The following SLMAP variants were observed in gnomAD, a reference collection of about 807,000 sequenced individuals.
SLMAP encodes the protein sarcolemmal membrane-associated protein.
SLMAP carries 44 observed loss-of-function variants against 128.8 expected under a neutral mutation model. The observed-to-expected ratio is 0.34, with a 90% CI of 0.27 to 0.44. SLMAP has a LOEUF of 0.44. Among genes scored for constraint, SLMAP ranks in the 20% least tolerant of loss-of-function variants. SLMAP has a pLI of 1.00. For synonymous variants in SLMAP, 327 were observed against 348.8 expected (o/e 0.94, Z 0.70); for missense variants, 787 against 985.3 (o/e 0.80, Z 2.69).
At chr3:57,816,994 A>G (rs1241251329) in intron 2 of SLMAP, among the ~76,000 whole-genome samples, 3 of 152,214 alleles carry the variant, frequency 2.0e-5, no homozygotes, top group Non-Finnish European at 4.4e-5. Flanking sequence ...GAGGAAGATT[A>G]GGTTAGATAG....
At chr3:57,864,981 T>G (rs1315720951) in intron 12 of SLMAP, 124 bp downstream of exon 12, 1 of 785,546 alleles carries the variant, frequency 1.3e-6, no homozygotes, top group Non-Finnish European at 1.9e-6. Context: ...GTATCTATAT[T>G]CTTTTAGAAA....
chr3:57,769,012 C>T (rs988715815), intron 2 of SLMAP, among the ~76,000 whole-genome samples: 1 of 152,018 alleles, frequency 6.6e-6, no homozygotes, highest in South Asian at 2.1e-4. Context: ...TACATGCAAT[C>T]GGTTCTGTTT....
intron 21 of SLMAP, among the ~76,000 whole-genome samples, chr3:57,914,984 C>G (rs1195389544): frequency 1.3e-5 from 2 of 151,440 alleles, no homozygotes; most frequent in African/African-American, 4.9e-5. Flanking sequence ...CTCCCAGGTT[C>G]AAGCGATTCT....
At chr3:57,906,270 G>A (rs960278163) in intron 17 of SLMAP, among the ~76,000 whole-genome samples, 1 of 119,964 alleles carries the variant, frequency 8.3e-6, no homozygotes, top group Non-Finnish European at 1.8e-5. Context: ...AAGTTGACTA[G>A]AGTAGCTGAA....
Position 57,856,277 on chromosome 3 carries a change from C to A in SLMAP, c.520-1456C>A, listed in dbSNP as rs868586652. 2.6e-5 allele frequency among the ~76,000 whole-genome samples: 4 copies of A among 152,114 alleles called. No individual in the cohort carries two copies. In the South Asian group the frequency reaches 8.3e-4, roughly 31 times the overall value. On this transcript the variant is annotated intron_variant, in intron 6 of 24. Transcript: ENST00000671191. ...TCAATAATAAGCTAACCTTAGCTTG[C>A]TGTAACTTTTTTACTTTATAAACTT...
In SLMAP at chr3:57,928,027, T is replaced by G. The variant is rs2153714127; in HGVS notation, c.*738T>G. ...GGAATATGTGCACGCTTGTTCAGCC[T>G]TAATGTGACTTGAAGATGTGGAGGA... On this transcript the variant is annotated 3_prime_UTR_variant, in exon 25 of 25. Transcript: ENST00000671191. 1 of 152,684 alleles carries G rather than the reference T, an allele frequency of 6.5e-6. No individual in the cohort carries two copies. Among genetic ancestry groups the G allele is most frequent in the South Asian group, 2.1e-4 (1 of 4,824 alleles). 9.5% of individuals were successfully genotyped at this position (152,684 alleles called of 1,614,324 possible).
chr3:57,851,353 T>G (rs923269067), intron 6 of SLMAP, among the ~76,000 whole-genome samples: 6 of 42,458 alleles, frequency 1.4e-4, no homozygotes, highest in African/African-American at 6.4e-4. Flanking sequence ...TTTTGGGTTG[T>G]TTTTTTTTTT....
intron 17 of SLMAP, among the ~76,000 whole-genome samples, chr3:57,905,500 T>G (rs549236187): frequency 6.6e-6 from 1 of 152,136 alleles, no homozygotes; most frequent in Non-Finnish European, 1.5e-5. Context: ...AGGTGGGTTT[T>G]GAACTCCTGA....
chr3:57,864,443 A>G (rs1342131748), intron 10 of SLMAP, 105 bp from the exon 11 acceptor site: 22 of 686,032 alleles, frequency 3.2e-5, no homozygotes. Context: ...TCTTTTCTAC[A>G]GAACAAACTT....
intron 2 of SLMAP, among the ~76,000 whole-genome samples, chr3:57,816,908 CAGAG>C (rs1315451026): frequency 1.3e-5 from 2 of 152,148 alleles, no homozygotes; most frequent in African/African-American, 2.4e-5. Flanking sequence ...TAAGGAAAGA[CAGAG>C]AGGCCTGGGG....
rs148134810 is a variant in SLMAP at position 57,821,392 on chromosome 3, T to C, written c.199-9991T>C. On this transcript the variant is annotated intron_variant, in intron 2 of 24. Coordinates refer to ENST00000671191, the MANE Select transcript of SLMAP (RefSeq NM_001377540.1). ...TTGGCAAGTTTCATTCTAGTTTACATGTGAGATTTCATTTTGGTGAAAACA... is the reference window on the plus strand; with the variant it reads ...TTGGCAAGTTTCATTCTAGTTTACACGTGAGATTTCATTTTGGTGAAAACA... 1.2e-3 allele frequency among the ~76,000 whole-genome samples: 177 copies of C among 152,308 alleles called. 6 individuals are homozygous for C. In the East Asian group the frequency reaches 0.03, roughly 26 times the overall value.
intron 2 of SLMAP, among the ~76,000 whole-genome samples, chr3:57,784,138 C>A (rs2083604424): frequency 6.6e-6 from 1 of 152,130 alleles, no homozygotes; most frequent in Non-Finnish European, 1.5e-5. Flanking sequence ...CTGAAAGTTC[C>A]CACTAGAGCA....
At chr3:57,871,837 T>C in intron 14 of SLMAP, 139 bp downstream of exon 14, 1 of 597,300 alleles carries the variant, frequency 1.7e-6, no homozygotes, top group Non-Finnish European at 3.0e-6. Context: ...CAGCAAACCT[T>C]TTCATAACTA....
intron 6 of SLMAP, among the ~76,000 whole-genome samples, chr3:57,850,877 C>T (rs2094474524): frequency 6.6e-6 from 1 of 152,176 alleles, no homozygotes; most frequent in African/African-American, 2.4e-5. Context: ...TCAGGCAATA[C>T]ACCCACTTCA....
intron 13 of SLMAP, among the ~76,000 whole-genome samples, chr3:57,867,558 A>G (rs1010877064): frequency 2.0e-5 from 3 of 152,180 alleles, no homozygotes; most frequent in Admixed American, 2.0e-4. Context: ...ATAGTGACTA[A>G]TAGAATATTT....
At chr3:57,758,967 T>G (rs1246965388) in intron 2 of SLMAP, among the ~76,000 whole-genome samples, 1 of 152,194 alleles carries the variant, frequency 6.6e-6, no homozygotes, top group Non-Finnish European at 1.5e-5. Context: ...AAGGAAGAAC[T>G]TAAGTCTTCA....
At chr3:57,860,243 G>C (rs113246088) in intron 8 of SLMAP, among the ~76,000 whole-genome samples, 1 of 152,130 alleles carries the variant, frequency 6.6e-6, no homozygotes, top group African/African-American at 2.4e-5. Flanking sequence ...TGTCATTTCA[G>C]ACAAGATGTT....
intron 13 of SLMAP, among the ~76,000 whole-genome samples, chr3:57,869,659 T>TATATATATATATATATATATATATATAA (rs1213782539): frequency 3.5e-5 from 4 of 115,446 alleles, no homozygotes; most frequent in East Asian, 3.1e-4. Flanking sequence ...TATATATATA[T>TATATATATATATATATATATATATATAA]AATATATATA....
chr3:57,775,680 A>G (rs2081777127), intron 2 of SLMAP, among the ~76,000 whole-genome samples: 1 of 151,718 alleles, frequency 6.6e-6, no homozygotes, highest in South Asian at 2.1e-4. Flanking sequence ...ACAGAACAAG[A>G]CCCTATCTCA....
Sources: allele counts gnomAD v4.1 joint callset (sites outside exome capture counted in the v4.1 genomes callset), GRCh38; gene constraint gnomAD v4.1.1; transcripts MANE v1.5; gene names NCBI Gene and HGNC (gene_info 2026-07-23, HGNC 2026-07-21).